Variants in ATP10B observed in about 807,000 individuals in gnomAD.
The protein encoded by ATP10B is ATPase phospholipid transporting 10B (putative).
A neutral mutation model predicts 141.2 loss-of-function variants in ATP10B; 122 were observed. The ratio of observed to expected loss-of-function variants is 0.86; its 90% confidence interval spans 0.75 to 1.00. The LOEUF is 1.00. Among genes scored for constraint, ATP10B ranks in the 50% least tolerant of loss-of-function variants. The pLI is 0.00. For synonymous variants in ATP10B, 685 were observed against 692.0 expected (o/e 0.99, Z 0.16); for missense variants, 1,876 against 1,825.3 (o/e 1.03, Z -0.51).
chr5:160,724,016 T>C (rs979584114), intron 2 of ATP10B, among the ~76,000 whole-genome samples: 2 of 152,134 alleles, frequency 1.3e-5, no homozygotes, highest in Non-Finnish European at 2.9e-5. Flanking sequence ...GGCAAAGTAA[T>C]ACAGGAACAG....
At position 160,620,408 on chromosome 5, in the gene ATP10B, A is replaced by C; in HGVS notation, c.2355T>G (p.Ile785Met). Residue 785 changes from isoleucine to methionine, a missense_variant, in exon 15 of 26, where the codon ATT becomes ATG. Transcript: ENST00000327245. ...AGTCAGCACCCTTGGTGTAGACAACAATCTCGCCAGTCAGTGGGTGCCTCA... is the reference window on the plus strand; with the variant it reads ...AGTCAGCACCCTTGGTGTAGACAACCATCTCGCCAGTCAGTGGGTGCCTCA... ...VVVRHPLTGE[I>M]VVYTKGADSV... The C allele has an allele frequency of 2.5e-6, 4 of 1,614,174 alleles. No homozygotes were observed.
chr5:160,615,478 G>A (rs1323011752), intron 17 of ATP10B, among the ~76,000 whole-genome samples: 1 of 151,328 alleles, frequency 6.6e-6, no homozygotes, highest in Non-Finnish European at 1.5e-5. Context: ...GATCTGGGAG[G>A]GCAGACTTTT....
chr5:160,786,619 A>G (rs1160155125), intron 1 of ATP10B, among the ~76,000 whole-genome samples: 1 of 152,144 alleles, frequency 6.6e-6, no homozygotes, highest in African/African-American at 2.4e-5. Flanking sequence ...TCATTACAGG[A>G]AAGAGTTGAC....
At chr5:160,819,507 G>C (rs577229842) in intron 1 of ATP10B, among the ~76,000 whole-genome samples, 34 of 152,256 alleles carry the variant, frequency 2.2e-4, no homozygotes, top group Non-Finnish European at 4.7e-4. Context: ...ACTGGTTATG[G>C]TAAGTACACA....
intron 2 of ATP10B, among the ~76,000 whole-genome samples, chr5:160,781,247 C>T (rs1177067357): frequency 6.6e-6 from 1 of 152,118 alleles, no homozygotes; most frequent in African/African-American, 2.4e-5. Context: ...TGGGTGAGGC[C>T]TAGAATTCTG....
At chr5:160,826,635 G>A (rs1386627370) in intron 1 of ATP10B, among the ~76,000 whole-genome samples, 1 of 152,164 alleles carries the variant, frequency 6.6e-6, no homozygotes, top group African/African-American at 2.4e-5. Context: ...AGGGCAAAAA[G>A]AGCCATATTT....
intron 24 of ATP10B, among the ~76,000 whole-genome samples, chr5:160,574,227 G>T (rs1309970495): frequency 6.6e-6 from 1 of 152,176 alleles, no homozygotes; most frequent in Non-Finnish European, 1.5e-5. Flanking sequence ...GTCAGGAGGA[G>T]TTCAAGACAA....
Position 160,670,591 on chromosome 5 carries a change from T to C in ATP10B, c.547A>G (p.Ile183Val). The change falls in exon 7 of 26, where the codon ATT (isoleucine) becomes GTT (valine). Residue 183 changes from isoleucine (I) to valine (V), a missense_variant. Transcript: ENST00000327245. ...GDFIQMKCNE[I>V]VPADILLLFS... is the part of the protein sequence containing the mutation. ...AGGAGGAGTATGTCTGCTGGGACAA[T>C]CTCATTGCATTTCATTTGGATGAAG... The C allele has an allele frequency of 6.2e-7, 1 of 1,613,866 alleles. No homozygotes were observed. The highest frequency in any genetic ancestry group is 2.2e-5 in the East Asian group (1 of 44,870).
At chr5:160,782,435 C>CCACA (rs1491185455) in intron 2 of ATP10B, among the ~76,000 whole-genome samples, 5 of 96,824 alleles carry the variant, frequency 5.2e-5, no homozygotes, top group Admixed American at 2.3e-4. Context: ...TTTTCTTCCT[C>CCACA]CATACACACA....
chr5:160,580,874 GGTTTAGTC>G (rs1355337194), intron 24 of ATP10B, among the ~76,000 whole-genome samples: 2 of 152,074 alleles, frequency 1.3e-5, no homozygotes, highest in Non-Finnish European at 2.9e-5. Flanking sequence ...ACTTCTTCCT[GGTTTAGTC>G]TTGGGAGAGT....
chr5:160,864,843 T>C, the ATP10B span, among the ~76,000 whole-genome samples: 2 of 151,734 alleles, frequency 1.3e-5, no homozygotes, highest in Non-Finnish European at 2.9e-5. Flanking sequence ...TAAAATAAAA[T>C]AGAATACTTA....
intron 1 of ATP10B, among the ~76,000 whole-genome samples, chr5:160,823,005 T>TATATATATATATATATATATAC (rs1774269337): frequency 9.9e-6 from 1 of 101,434 alleles, no homozygotes; most frequent in African/African-American, 4.0e-5. Context: ...TATATACATA[T>TATATATATATATATATATATAC]ATATATATAT....
chr5:160,795,447 T>C (rs1440188234), intron 1 of ATP10B, among the ~76,000 whole-genome samples: 1 of 152,150 alleles, frequency 6.6e-6, no homozygotes, highest in East Asian at 1.9e-4. Flanking sequence ...GCCCCTTTGT[T>C]TTCTAGCACT....
intron 6 of ATP10B, chr5:160,684,806 C>T: frequency 3.0e-6 from 2 of 660,442 alleles, no homozygotes; most frequent in Middle Eastern, 2.5e-4. Flanking sequence ...AGGCTGGGCC[C>T]AAGACTTCCC....
the ATP10B span, among the ~76,000 whole-genome samples, chr5:160,903,320 C>A: frequency 6.6e-6 from 1 of 152,154 alleles, no homozygotes; most frequent in Non-Finnish European, 1.5e-5. Flanking sequence ...GAGCAGGTTG[C>A]AGATACCAGA....
intron 2 of ATP10B, among the ~76,000 whole-genome samples, chr5:160,731,726 A>G (rs1222546811): frequency 6.6e-6 from 1 of 152,172 alleles, no homozygotes; most frequent in African/African-American, 2.4e-5. Context: ...AAGGGGGAAG[A>G]TCCAGAAAGG....
chr5:160,716,842 A>G (rs1449021255), intron 3 of ATP10B, 67 bp downstream of exon 3: 2 of 929,266 alleles, frequency 2.2e-6, no homozygotes, highest in African/African-American at 3.6e-5. Context: ...TATTGGAGCT[A>G]CATCCACCTC....
intron 2 of ATP10B, among the ~76,000 whole-genome samples, chr5:160,767,609 T>C (rs1769551512): frequency 6.7e-6 from 1 of 148,384 alleles, no homozygotes; most frequent in South Asian, 2.1e-4. Context: ...TTGCTTCCAA[T>C]ATGGTGTGAG....
At chr5:160,703,341 G>T (rs1228735563) in intron 3 of ATP10B, among the ~76,000 whole-genome samples, 1 of 152,100 alleles carries the variant, frequency 6.6e-6, no homozygotes, top group African/African-American at 2.4e-5. Flanking sequence ...GTAGTCTATT[G>T]TGTGCAATAG....
Sources: allele counts gnomAD v4.1 joint callset (sites outside exome capture counted in the v4.1 genomes callset), GRCh38; gene constraint gnomAD v4.1.1; transcripts MANE v1.5; gene names NCBI Gene and HGNC (gene_info 2026-07-23, HGNC 2026-07-21).